The following NSFL1C variants were observed in gnomAD, a reference collection of about 807,000 sequenced individuals.
NSFL1C encodes NSFL1 cofactor, also known as NSFL1 cofactor p47.
In NSFL1C, 14 loss-of-function variants were observed where a neutral mutation model predicts 43.1. That is an observed-to-expected ratio of 0.32 (90% CI 0.21 to 0.51). NSFL1C has a LOEUF of 0.51. Among genes scored for constraint, NSFL1C ranks in the 20% least tolerant of loss-of-function variants. NSFL1C has a pLI of 0.98. For synonymous variants in NSFL1C, 171 were observed against 183.5 expected (o/e 0.93, Z 0.55); for missense variants, 406 against 472.5 (o/e 0.86, Z 1.30).
rs528139136 is a variant in NSFL1C, at chr20:1,463,986, G to A, written c.203+343C>T. ...CAAAACAGCTTTCCTAAGTCATTTC[G>A]CCTAAACTTTCACATCTATAGCACC... On this transcript the variant is annotated intron_variant, in intron 2 of 8. Coordinates refer to ENST00000216879, the MANE Select transcript of NSFL1C (RefSeq NM_016143.5). 84 of 247,934 alleles carry A rather than the reference G, an allele frequency of 3.4e-4. No homozygotes were observed. In the South Asian group the frequency reaches 9.3e-3, roughly 27 times the overall value. 15.4% of individuals were successfully genotyped at this position (247,934 alleles called of 1,614,324 possible). A position where few individuals can be genotyped will look rare whatever the true frequency, so the allele number is the denominator to read the frequency against.
chr20:1,445,634 T>A, intron 8 of NSFL1C, 32 bp downstream of exon 8: 1 of 1,609,726 alleles, frequency 6.2e-7, no homozygotes, highest in Non-Finnish European at 8.5e-7. Context: ...AGGACACTCC[T>A]AGAATAAGCT....
chr20:1,464,100 AGGTTTGT>A, intron 2 of NSFL1C: 3 of 461,278 alleles, frequency 6.5e-6, no homozygotes, highest in Non-Finnish European at 3.8e-6. Flanking sequence ...TCTTAAAAGT[AGGTTTGT>A]GGTTTCCCCC....
chr20:1,451,108 A>T (rs540719777), intron 7 of NSFL1C, among the ~76,000 whole-genome samples: 158 of 152,316 alleles, frequency 1.0e-3, no homozygotes, highest in African/African-American at 3.6e-3. Flanking sequence ...AAAAAAAATT[A>T]GGTGCCCTAT....
In NSFL1C at chr20:1,452,550, A is replaced by G. The variant is rs1343394762; in HGVS notation, c.728T>C (p.Phe243Ser). ...TTTGAAGGCTCCTTTGGGCTTCACA[A>G]AGTCCTCGTCCCGATGGTCCTCCAT... ...LDMEDHRDED[F>S]VKPKGAFKAF... Residue 243 changes from phenylalanine to serine, a missense_variant, in exon 7 of 9, where the codon TTT (phenylalanine) becomes TCT (serine). Phe to Ser is a radical substitution (Grantham distance 155). Coordinates refer to ENST00000216879, the MANE Select transcript of NSFL1C (RefSeq NM_016143.5). The G allele has an allele frequency of 6.2e-7, 1 of 1,614,064 alleles. No individual in the cohort carries two copies. Among genetic ancestry groups the G allele is most frequent in the Non-Finnish European group, 8.5e-7 (1 of 1,180,046 alleles).
chr20:1,466,051 C>T (rs1470750039), intron 1 of NSFL1C, among the ~76,000 whole-genome samples: 1 of 152,160 alleles, frequency 6.6e-6, no homozygotes, highest in African/African-American at 2.4e-5. Context: ...TTACCGAATG[C>T]TTATTATGTG....
chr20:1,466,599 T>C, intron 1 of NSFL1C, 121 bp downstream of exon 1: 4 of 942,344 alleles, frequency 4.2e-6, no homozygotes, highest in Non-Finnish European at 6.2e-6. Context: ...CCATGAGGCC[T>C]GGGTCGGGCC....
rs1453927173 is a variant in NSFL1C, at chr20:1,442,562, T to C, written c.*1187A>G. 1 of 152,190 alleles carries C rather than the reference T, an allele frequency of 6.6e-6. No homozygotes were observed. Among genetic ancestry groups the C allele is most frequent in the Non-Finnish European group, 1.5e-5 (1 of 68,042 alleles). The allele number at this position is 152,190 out of a possible 1,614,324, so 9.4% of individuals were successfully genotyped here. A position where few individuals can be genotyped will look rare whatever the true frequency, so the allele number is the denominator to read the frequency against. On this transcript the variant is annotated 3_prime_UTR_variant, in exon 9 of 9. Transcript: ENST00000216879. Reference sequence around the variant, plus strand: ...TTGTTTAATACGGGAAAGGGTTCCATCCAAGAGCCCAATAGGCCTCCTCTC... The same window carrying C: ...TTGTTTAATACGGGAAAGGGTTCCACCCAAGAGCCCAATAGGCCTCCTCTC...
At chr20:1,460,487 C>T (rs1297997410) in intron 2 of NSFL1C, among the ~76,000 whole-genome samples, 1 of 152,156 alleles carries the variant, frequency 6.6e-6, no homozygotes, top group Admixed American at 6.5e-5. Context: ...AGCAATTGCA[C>T]AATACTTTTG....
intron 2 of NSFL1C, among the ~76,000 whole-genome samples, chr20:1,463,642 G>C (rs2090456364): frequency 2.0e-5 from 3 of 151,618 alleles, no homozygotes; most frequent in African/African-American, 7.3e-5. Context: ...ACATACACTA[G>C]AGAGTAGAAG....
At chr20:1,459,453 C>A (rs1446861348) in intron 2 of NSFL1C, among the ~76,000 whole-genome samples, 2 of 152,172 alleles carry the variant, frequency 1.3e-5, no homozygotes, top group Non-Finnish European at 2.9e-5. Flanking sequence ...AATTAAATCT[C>A]TTTTCTTCAT....
rs1337249336 is a variant in NSFL1C at position 1,455,064 on chromosome 20, T to C, written c.347A>G (p.Asn116Ser). Residue 116 changes from asparagine (N) to serine (S), a missense_variant, in exon 4 of 9, where the codon AAC becomes AGC. Around this residue, in one of 3 missense-constraint regions of NSFL1C, gnomAD observed 203 missense variants for 216.3 expected, o/e 0.94. Transcript: ENST00000216879. ...IVGPPRKKSPNELVDDLFKGA... is the reference protein window; with the variant it reads ...IVGPPRKKSPSELVDDLFKGA... ...TTTAAAGAGATCATCCACCAGCTCG[T>C]TGGGACTTTTCTTCCTGGGAGGGCC... is the stretch of plus-strand genomic sequence containing the variant. 2.5e-6 allele frequency: 4 copies of C among 1,614,014 alleles called. No homozygotes were observed. The highest frequency in any genetic ancestry group is 1.3e-5 in the African/African-American group (1 of 74,880).
chr20:1,451,383 G>T (rs2090177944), intron 7 of NSFL1C, among the ~76,000 whole-genome samples: 1 of 152,244 alleles, frequency 6.6e-6, no homozygotes, highest in South Asian at 2.1e-4. Context: ...TCTGAAGATA[G>T]TGAGGTGAGC....
At chr20:1,447,356 C>T (rs1473825840) in intron 7 of NSFL1C, among the ~76,000 whole-genome samples, 5 of 151,994 alleles carry the variant, frequency 3.3e-5, no homozygotes, top group East Asian at 1.9e-4. Flanking sequence ...GCTCATGGGC[C>T]GTATGCGACC....
chr20:1,461,983 T>C (rs1329166391), intron 2 of NSFL1C, among the ~76,000 whole-genome samples: 1 of 152,192 alleles, frequency 6.6e-6, no homozygotes, highest in Non-Finnish European at 1.5e-5. Context: ...ATGGACTCTC[T>C]TGCCACAAAA....
chr20:1,460,226 A>C (rs2090382741), intron 2 of NSFL1C, among the ~76,000 whole-genome samples: 1 of 152,214 alleles, frequency 6.6e-6, no homozygotes, highest in Non-Finnish European at 1.5e-5. Context: ...GGCACATTTA[A>C]GTACTACTCT....
At chr20:1,462,535 T>G (rs571531331) in intron 2 of NSFL1C, among the ~76,000 whole-genome samples, 3 of 152,060 alleles carry the variant, frequency 2.0e-5, no homozygotes, top group Admixed American at 1.3e-4. Flanking sequence ...GCCTTTTTTT[T>G]TTTTGAGACA....
intron 3 of NSFL1C, 34 bp downstream of exon 3, chr20:1,458,166 G>T (rs1158156653): frequency 1.9e-6 from 3 of 1,554,046 alleles, no homozygotes; most frequent in Non-Finnish European, 1.8e-6. Context: ...ACTTCCCTGT[G>T]AACTGTCCCC....
chr20:1,452,637 A>G lies in NSFL1C; in HGVS notation c.648-7T>C. On this transcript the variant is annotated splice_polypyrimidine_tract_variant and splice_region_variant and intron_variant, in intron 6 of 8. Transcript: ENST00000216879. ...AAGCTCTGCTGGCACCTCCCTGTGG[A>G]AGAAAAGGCCATGCTGAGGTCCACA... 1 of 1,613,960 alleles carries G rather than the reference A, an allele frequency of 6.2e-7. No individual in the cohort carries two copies.
chr20:1,451,643 C>A (rs1176625914), intron 7 of NSFL1C, among the ~76,000 whole-genome samples: 5 of 152,224 alleles, frequency 3.3e-5, no homozygotes, highest in Non-Finnish European at 7.3e-5. Flanking sequence ...CTCTGAAGAA[C>A]ACTCATCAGG....
Sources: allele counts gnomAD v4.1 joint callset (sites outside exome capture counted in the v4.1 genomes callset), GRCh38; gene constraint gnomAD v4.1.1; regional missense constraint gnomAD v4.1.1; transcripts MANE v1.5; gene names NCBI Gene and HGNC (gene_info 2026-07-23, HGNC 2026-07-21).